The following NBPF8 variants were observed in gnomAD, a reference collection of about 807,000 sequenced individuals.
NBPF8 encodes NBPF member 8.
chr1:120,436,584 A>G, exon 1 of NBPF8: 1 of 1,598,656 alleles, frequency 6.3e-7, no homozygotes, highest in Non-Finnish European at 8.6e-7. Flanking sequence ...CTAGAAATCA[A>G]CGAGAAATTG....
At chr1:120,464,300 A>C (rs2101700871) in intron 22 of NBPF8, 76 bp from the exon 21 acceptor site, 1 of 712,750 alleles carries the variant, frequency 1.4e-6, no homozygotes, top group East Asian at 2.5e-5. Context: ...TCCTTATGCT[A>C]CCCATGAAAC....
intron 17 of NBPF8, 64 bp from the exon 16 acceptor site, chr1:120,460,509 G>T (rs1199976888): frequency 5.0e-5 from 46 of 913,786 alleles, no homozygotes; most frequent in Non-Finnish European, 2.9e-5. Flanking sequence ...TTGGACAGAG[G>T]AATGTTTCTG....
rs1234319262 is a variant in NBPF8, at chr1:120,422,599, A to C, written n.269+2481A>C. On this transcript the variant is annotated intron_variant and non_coding_transcript_variant, in intron 1 of 28. Transcript: ENST00000652355. ...AAATCACTGAATCAGATTTCATTGT[A>C]TGGCTACAACACAGTTTGTTTATTC... Among the ~76,000 whole-genome samples the C allele has an allele frequency of 4.9e-5, 7 of 141,988 alleles. No homozygotes were observed. In the East Asian group the frequency reaches 1.2e-3, roughly 23 times the overall value. 93.1% of individuals were successfully genotyped at this position (141,988 alleles called of 152,430 possible). A position where few individuals can be genotyped will look rare whatever the true frequency, so the allele number is the denominator to read the frequency against.
upstream of NBPF8, among the ~76,000 whole-genome samples, chr1:120,415,852 A>G (rs1336142953): frequency 6.6e-6 from 1 of 151,962 alleles, no homozygotes; most frequent in East Asian, 1.9e-4. Context: ...TGGTGTTTGC[A>G]CTCCAAAGAG....
At chr1:120,435,651 G>A (rs1413426198), upstream of NBPF8, among the ~76,000 whole-genome samples, 1 of 149,736 alleles carries the variant, frequency 6.7e-6, no homozygotes, top group East Asian at 1.9e-4. Context: ...GACCATCGTG[G>A]CTAACACAGT....
At chr1:120,462,517 C>G (rs1411689813) in intron 20 of NBPF8, among the ~76,000 whole-genome samples, 1 of 116,042 alleles carries the variant, frequency 8.6e-6, no homozygotes, top group Non-Finnish European at 1.8e-5. Flanking sequence ...GGCACTAACT[C>G]AGAGTGTCCT....
intron 15 of NBPF8, among the ~76,000 whole-genome samples, chr1:120,455,067 T>A (rs1661398981): frequency 6.7e-6 from 1 of 148,844 alleles, no homozygotes. Context: ...AATGTCCATG[T>A]TACCTGGTGA....
At chr1:120,464,714 G>A (rs1412035819) in intron 23 of NBPF8, among the ~76,000 whole-genome samples, 166 bp downstream of exon 21, 1 of 143,450 alleles carries the variant, frequency 7.0e-6, no homozygotes, top group African/African-American at 2.6e-5. Context: ...TGGAAGCCCA[G>A]ACAAGGGATG....
upstream of NBPF8, among the ~76,000 whole-genome samples, chr1:120,419,677 G>C (rs1660522977): frequency 7.1e-6 from 1 of 141,842 alleles, no homozygotes; most frequent in Non-Finnish European, 1.5e-5. Flanking sequence ...GCCGAGGCTG[G>C]TGAGGACTGT....
At chr1:120,434,451 G>A (rs1433629125), upstream of NBPF8, among the ~76,000 whole-genome samples, 1 of 144,570 alleles carries the variant, frequency 6.9e-6, no homozygotes, top group Non-Finnish European at 1.5e-5. Context: ...TTGGTTTGCT[G>A]CACCCATTAA....
chr1:120,436,407 C>G, exon 1 of NBPF8: 1 of 1,289,850 alleles, frequency 7.8e-7, no homozygotes. Context: ...ATTTCAGTTA[C>G]TGACATCCCT....
Position 120,464,375 on chromosome 1 carries a change from G to A in NBPF8, n.3287-1G>A, listed in dbSNP as rs1434952291. ...TTCTTTACTTTTTCCTCCTTTTCCAGGCTCAGCAGGGAGCTGCTGGAGGTA... is the reference window on the plus strand; with the variant it reads ...TTCTTTACTTTTTCCTCCTTTTCCAAGCTCAGCAGGGAGCTGCTGGAGGTA... On this transcript the variant is annotated splice_acceptor_variant and non_coding_transcript_variant, in intron 22 of 24. Transcript: ENST00000583271. 4 of 775,328 alleles carry A rather than the reference G, an allele frequency of 5.2e-6. No individual in the cohort carries two copies. Among genetic ancestry groups the A allele is most frequent in the Non-Finnish European group, 9.3e-6 (4 of 430,304 alleles). 48.0% of individuals were successfully genotyped at this position (775,328 alleles called of 1,614,324 possible). A position where few individuals can be genotyped will look rare whatever the true frequency, so the allele number is the denominator to read the frequency against.
chr1:120,417,219 G>A (rs1434249689), upstream of NBPF8, among the ~76,000 whole-genome samples: 1 of 137,984 alleles, frequency 7.2e-6, no homozygotes, highest in East Asian at 2.2e-4. Context: ...CACAATCACA[G>A]CTGACCGCAA....
intron 24 of NBPF8, 137 bp from the exon 23 acceptor site, chr1:120,465,841 C>G: frequency 6.4e-7 from 1 of 1,557,762 alleles, no homozygotes; most frequent in Non-Finnish European, 8.8e-7. Flanking sequence ...AACATAAAGG[C>G]AATAATTTGT....
At chr1:120,461,160 C>A in intron 18 of NBPF8, 94 bp from the exon 17 acceptor site, 1 of 595,110 alleles carries the variant, frequency 1.7e-6, no homozygotes, top group Non-Finnish European at 3.1e-6. Flanking sequence ...TTTTTCTTTT[C>A]AAACTCTTCC....
chr1:120,452,129 C>G (rs1661293576), exon 13 of NBPF8: 1 of 1,605,050 alleles, frequency 6.2e-7, no homozygotes, highest in Admixed American at 1.7e-5. Flanking sequence ...AATATAAAGT[C>G]CTGGTTCACA....
chr1:120,453,597 T>G (rs1421471989), intron 14 of NBPF8, among the ~76,000 whole-genome samples, 153 bp downstream of exon 12: 3 of 150,964 alleles, frequency 2.0e-5, no homozygotes, highest in Non-Finnish European at 2.9e-5. Flanking sequence ...CAGGGTGCGG[T>G]AGCTGTCATG....
chr1:120,434,393 TA>T (rs1324430273), upstream of NBPF8, among the ~76,000 whole-genome samples: 1 of 146,930 alleles, frequency 6.8e-6, no homozygotes, highest in Non-Finnish European at 1.5e-5. Context: ...GTATATATAA[TA>T]TATATACACG....
chr1:120,425,440 T>A lies in NBPF8; in HGVS notation n.270-307T>A, dbSNP rs1369212683. ...AGCACTTTTTTCTTTACCTTGTTTA[T>A]GATGCAGAGACATTTGTTAACGTGT... On this transcript the variant is annotated intron_variant and non_coding_transcript_variant, in intron 1 of 28. Transcript: ENST00000652355. Among the ~76,000 whole-genome samples, 275 of 152,246 alleles carry A rather than the reference T, an allele frequency of 1.8e-3. 2 individuals carry two copies. The highest frequency in any genetic ancestry group is 1.9e-3 in the Non-Finnish European group (129 of 68,018).
Sources: allele counts gnomAD v4.1 joint callset (sites outside exome capture counted in the v4.1 genomes callset), GRCh38; gene constraint gnomAD v4.1.1; transcripts MANE v1.5; gene names NCBI Gene and HGNC (gene_info 2026-07-23, HGNC 2026-07-21).